The following DOCK5 variants were observed in gnomAD, a reference collection of about 807,000 sequenced individuals.
DOCK5 encodes dedicator of cytokinesis 5.
Under a neutral mutation model 251.8 loss-of-function variants are expected in DOCK5, and 142 were observed. The observed-to-expected ratio is 0.56, with a 90% CI of 0.49 to 0.65. The LOEUF is 0.65. Among genes scored for constraint, DOCK5 ranks in the 30% least tolerant of loss-of-function variants. The probability of loss-of-function intolerance (pLI) is 0.00; values close to 1 mark genes in which losing one functional copy is unlikely to be tolerated. For missense variants in DOCK5, 2,111 were observed against 2,312.3 expected, an observed-to-expected ratio of 0.91 and a Z score of 1.79; for synonymous variants, 842 against 835.5, an observed-to-expected ratio of 1.01 and a Z score of -0.13.
chr8:25,317,436 T>G (rs971762472), intron 14 of DOCK5: 2 of 234,846 alleles, frequency 8.5e-6, no homozygotes, highest in African/African-American at 4.5e-5. Flanking sequence ...AGTTAGCCAC[T>G]TTCAAGCTTG....
chr8:25,277,056 G>A (rs1804059494), intron 4 of DOCK5: 1 of 152,800 alleles, frequency 6.5e-6, no homozygotes, highest in Admixed American at 6.5e-5. Flanking sequence ...CGTTTTTTGA[G>A]TATTATCTTT....
At chr8:25,300,745 A>G in intron 9 of DOCK5, 88 bp downstream of exon 9, 1 of 1,352,048 alleles carries the variant, frequency 7.4e-7, no homozygotes, top group South Asian at 1.4e-5. Context: ...TACAAAATGA[A>G]AAGATGAAAG....
At chr8:25,248,009 T>C (rs1183110695) in intron 2 of DOCK5, among the ~76,000 whole-genome samples, 1 of 152,214 alleles carries the variant, frequency 6.6e-6, no homozygotes, top group East Asian at 1.9e-4. Flanking sequence ...GTGCCTGTTC[T>C]TTAAAAGTAA....
At chr8:25,202,917 A>G (rs764816645) in intron 1 of DOCK5, among the ~76,000 whole-genome samples, 5 of 152,210 alleles carry the variant, frequency 3.3e-5, no homozygotes, top group Non-Finnish European at 5.9e-5. Context: ...TTGGACCTTG[A>G]GTACCTGAAG....
At position 25,401,054 on chromosome 8, in the gene DOCK5, G is replaced by T. The variant is rs765126033; in HGVS notation, c.4914G>T (p.Gly1638=). 2 of 1,613,782 alleles carry T rather than the reference G, an allele frequency of 1.2e-6. No individual in the cohort carries two copies. The highest frequency in any genetic ancestry group is 1.1e-5 in the South Asian group (1 of 91,064). Residue 1638 remains glycine (G), a synonymous_variant, in exon 47 of 52, where the codon GGG becomes GGT. Coordinates refer to ENST00000276440, the MANE Select transcript of DOCK5 (RefSeq NM_024940.8). The part of the protein sequence containing the change: ...ELKEKVEKHY[G]VITLPPNLTE... ...AGGAGAAAGTAGAAAAGCACTATGG[G>T]GTTATAACACTGGTAAGCATGATCT... is the stretch of plus-strand genomic sequence containing the variant.
At chr8:25,288,339 G>A (rs552512689) in intron 5 of DOCK5, among the ~76,000 whole-genome samples, 1 of 152,222 alleles carries the variant, frequency 6.6e-6, no homozygotes, top group African/African-American at 2.4e-5. Context: ...TCTCCTTGAA[G>A]TGAATGGGGA....
At chr8:25,194,078 A>G (rs1056467029) in intron 1 of DOCK5, among the ~76,000 whole-genome samples, 3 of 151,328 alleles carry the variant, frequency 2.0e-5, no homozygotes, top group Non-Finnish European at 2.9e-5. Flanking sequence ...CTGAGGTCAG[A>G]AGTTCGAGAC....
chr8:25,334,054 G>A (rs1008479940), intron 20 of DOCK5, 42 bp from the exon 21 acceptor site: 3 of 1,464,822 alleles, frequency 2.0e-6, no homozygotes, highest in South Asian at 1.1e-5. Flanking sequence ...AGAATACTTG[G>A]GATTGTGCAG....
chr8:25,307,027 A>G (rs1804959772), intron 11 of DOCK5, among the ~76,000 whole-genome samples: 1 of 152,254 alleles, frequency 6.6e-6, no homozygotes, highest in Non-Finnish European at 1.5e-5. Flanking sequence ...GTCTTTAAAC[A>G]TATTTAAACA....
intron 48 of DOCK5, among the ~76,000 whole-genome samples, chr8:25,406,477 A>T (rs1801525322): frequency 6.6e-6 from 1 of 152,204 alleles, no homozygotes; most frequent in Non-Finnish European, 1.5e-5. Context: ...CCTGCCTGGA[A>T]ATCAAATATG....
chr8:25,343,148 A>G (rs1386058599), intron 25 of DOCK5, among the ~76,000 whole-genome samples: 2 of 149,924 alleles, frequency 1.3e-5, no homozygotes, highest in Non-Finnish European at 3.0e-5. Flanking sequence ...ACAGGTGTAC[A>G]TCACCACACC....
rs751640564 is a variant in DOCK5, at chr8:25,275,468, C to T, written c.224+27C>T. 4 of 1,581,488 alleles carry T rather than the reference C, an allele frequency of 2.5e-6. No individual in the cohort carries two copies. In the East Asian group the frequency reaches 6.7e-5, roughly 27 times the overall value. On this transcript the variant is annotated intron_variant, in intron 4 of 51. Transcript: ENST00000276440. ...TAAGTTCCAAGCTAGGAAGATTCCC[C>T]AAAAATGATGAAGATGTAACATTAT... is the stretch of plus-strand genomic sequence containing the variant.
chr8:25,341,893 G>A (rs1805964632), intron 24 of DOCK5, 84 bp downstream of exon 24: 1 of 1,115,230 alleles, frequency 9.0e-7, no homozygotes, highest in African/African-American at 1.6e-5. Context: ...GCTACACCTG[G>A]CTTTTATTTT....
intron 4 of DOCK5, among the ~76,000 whole-genome samples, chr8:25,278,359 C>T (rs1804102869): frequency 1.3e-5 from 2 of 152,172 alleles, no homozygotes; most frequent in South Asian, 4.1e-4. Context: ...CATTCAGTTG[C>T]AGGAACGGAG....
In DOCK5 at chr8:25,210,045, T is replaced by TATAAAA. The variant is rs1563309191; in HGVS notation, c.43+25094_43+25095insATAAAA. Among the ~76,000 whole-genome samples, 11 of 20,648 alleles carry TATAAAA rather than the reference T, an allele frequency of 5.3e-4. 4 individuals are homozygous for TATAAAA. The highest frequency in any genetic ancestry group is 2.1e-3 in the African/African-American group (9 of 4,338). The allele number at this position is 20,648 out of a possible 152,430, so 13.5% of individuals were successfully genotyped here. A position where few individuals can be genotyped will look rare whatever the true frequency, so the allele number is the denominator to read the frequency against. On this transcript the variant is annotated intron_variant, in intron 1 of 51. Transcript: ENST00000276440. ...ATATATATATATATAAATGTGTGTG[T>TATAAAA]GTGTGTGTGTGTGTGTGTGTGTGTA...
chr8:25,323,547 G>A (rs1000254385), intron 16 of DOCK5, among the ~76,000 whole-genome samples: 1 of 152,180 alleles, frequency 6.6e-6, no homozygotes, highest in African/African-American at 2.4e-5. Flanking sequence ...ACAGGCTCCA[G>A]AGCTGTTTAG....
intron 45 of DOCK5, among the ~76,000 whole-genome samples, chr8:25,398,292 T>C (rs1031455898): frequency 6.6e-6 from 1 of 152,240 alleles, no homozygotes; most frequent in Non-Finnish European, 1.5e-5. Context: ...CAATGAAAAC[T>C]TAAGTAAATA....
intron 21 of DOCK5, 105 bp downstream of exon 21, chr8:25,334,301 C>A: frequency 1.1e-6 from 1 of 911,432 alleles, no homozygotes; most frequent in Non-Finnish European, 1.8e-6. Context: ...TCAGTAAATA[C>A]GCCTGTTAAG....
intron 49 of DOCK5, 136 bp from the exon 50 acceptor site, chr8:25,408,666 A>G (rs1238789401): frequency 1.0e-6 from 1 of 981,966 alleles, no homozygotes; most frequent in East Asian, 2.6e-5. Context: ...TGCCCATCAT[A>G]TGACAATGCT....
Sources: allele counts gnomAD v4.1 joint callset (sites outside exome capture counted in the v4.1 genomes callset), GRCh38; gene constraint gnomAD v4.1.1; transcripts MANE v1.5; gene names NCBI Gene and HGNC (gene_info 2026-07-23, HGNC 2026-07-21).